The following SECISBP2L variants were observed in gnomAD, a reference collection of about 807,000 sequenced individuals.
SECISBP2L encodes the protein SECIS binding protein 2 like, also known as selenocysteine insertion sequence-binding protein 2-like.
In SECISBP2L, 43 loss-of-function variants were observed where a neutral mutation model predicts 114.7. That is an observed-to-expected ratio of 0.38 (90% confidence interval 0.29 to 0.48). SECISBP2L has a LOEUF of 0.48. Among genes scored for constraint, SECISBP2L ranks in the 20% least tolerant of loss-of-function variants. The pLI is 0.98. For synonymous variants in SECISBP2L, 451 were observed against 439.7 expected (o/e 1.03, Z -0.32); for missense variants, 1,136 against 1,301.1 (o/e 0.87, Z 1.95).
intron 16 of SECISBP2L, 93 bp from the exon 17 acceptor site, chr15:48,996,679 G>A (rs1902099035): frequency 9.3e-7 from 1 of 1,075,520 alleles, no homozygotes; most frequent in East Asian, 2.5e-5. Flanking sequence ...TTGTTTCAGG[G>A]TCAGACACTT....
At chr15:49,046,116 G>C (rs891330656) in intron 1 of SECISBP2L, among the ~76,000 whole-genome samples, 160 bp downstream of exon 1, 2 of 152,230 alleles carry the variant, frequency 1.3e-5, no homozygotes, top group African/African-American at 4.8e-5. Flanking sequence ...GCAGCAGCTG[G>C]AACAATGAAG....
chr15:49,016,866 C>T lies in SECISBP2L; in HGVS notation c.1401G>A (p.Met467Ile), dbSNP rs1355907923. ...TATGTACCTGTAATTTTTTTTGCTC[C>T]ATACTTATTTCTGAATACTCTTGAG... is the stretch of plus-strand genomic sequence containing the variant. Reference protein sequence around the residue: ...ATAQEYSEISMEQKKLQEALS... With the variant: ...ATAQEYSEISIEQKKLQEALS... The change falls in exon 10 of 18, where the codon ATG becomes ATA. Residue 467 changes from methionine to isoleucine, a missense_variant. Around this residue, in one of 2 missense-constraint regions of SECISBP2L, gnomAD observed 684 missense variants for 848.7 expected, o/e 0.81. Transcript: ENST00000559471. 9 of 1,605,108 alleles carry T rather than the reference C, an allele frequency of 5.6e-6. No homozygotes were observed. In the Admixed American group the frequency reaches 6.9e-5, roughly 12 times the overall value.
chr15:49,009,502 A>G, intron 13 of SECISBP2L, 124 bp from the exon 14 acceptor site: 1 of 868,658 alleles, frequency 1.2e-6, no homozygotes, highest in Non-Finnish European at 1.8e-6. Flanking sequence ...TCCAGAAGCT[A>G]ATAAGGTGGG....
intron 11 of SECISBP2L, among the ~76,000 whole-genome samples, chr15:49,013,636 C>G (rs1408656529): frequency 6.6e-6 from 1 of 152,320 alleles, no homozygotes; most frequent in African/African-American, 2.4e-5. Flanking sequence ...TCAGTTTCCA[C>G]TGGCTTCTTC....
At chr15:49,012,169 C>T (rs921871226) in intron 12 of SECISBP2L, among the ~76,000 whole-genome samples, 3 of 152,016 alleles carry the variant, frequency 2.0e-5, no homozygotes, top group African/African-American at 7.2e-5. Flanking sequence ...GTTTGGAACC[C>T]AGGTCATACA....
At position 49,011,715 on chromosome 15, in the gene SECISBP2L, A is replaced by AGGG; in HGVS notation, c.1864+13_1864+15dup. ...AGACCATTCCATGAGAAGAGGAGAA[A>AGGG]GGGGGAGCTCCTTACCTTCCTGGGA... On this transcript the variant is annotated intron_variant, in intron 13 of 17. Coordinates refer to ENST00000559471, the MANE Select transcript of SECISBP2L (RefSeq NM_001193489.2). The AGGG allele has an allele frequency of 6.2e-7, 1 of 1,613,380 alleles. No individual in the cohort carries two copies. Among genetic ancestry groups the AGGG allele is most frequent in the Non-Finnish European group, 8.5e-7 (1 of 1,179,604 alleles).
At chr15:49,017,666 G>C (rs1371493786) in intron 8 of SECISBP2L, 38 bp from the exon 9 acceptor site, 1 of 1,434,846 alleles carries the variant, frequency 7.0e-7, no homozygotes, top group Admixed American at 1.9e-5. Context: ...AGAGTTCAAG[G>C]CAAACTCCTA....
At chr15:49,009,110 G>C in intron 14 of SECISBP2L, 106 bp downstream of exon 14, 1 of 1,210,446 alleles carries the variant, frequency 8.3e-7, no homozygotes, top group Non-Finnish European at 1.2e-6. Context: ...AAAGATCTCT[G>C]GTCTTTTGTC....
chr15:49,026,511 G>A (rs750097576), intron 7 of SECISBP2L, among the ~76,000 whole-genome samples: 12 of 151,940 alleles, frequency 7.9e-5, no homozygotes, highest in Middle Eastern at 3.2e-3. Context: ...ATCATGTGTC[G>A]ACTAGAAAGA....
At chr15:49,019,351 T>G in intron 8 of SECISBP2L, 67 bp downstream of exon 8, 2 of 1,238,268 alleles carry the variant, frequency 1.6e-6, no homozygotes. Context: ...GTTCACAATG[T>G]AACAAATTAA....
Position 49,046,434 on chromosome 15 carries a change from C to G in SECISBP2L, c.-135G>C, listed in dbSNP as rs779181187. The stretch of plus-strand genomic sequence containing the variant: ...TATCTGGCTGGCCGCGACACCGATT[C>G]GGCTACGCCACTGGCCGAGGAGGCG... On this transcript the variant is annotated 5_prime_UTR_variant, in exon 1 of 18. Transcript: ENST00000559471. 1.4e-4 allele frequency: 134 copies of G among 982,622 alleles called. No individual in the cohort carries two copies. Among genetic ancestry groups the G allele is most frequent in the Non-Finnish European group, 1.8e-4 (129 of 714,884 alleles). 60.9% of individuals were successfully genotyped at this position (982,622 alleles called of 1,614,324 possible).
Position 49,009,497 on chromosome 15 carries a change from A to T in SECISBP2L, c.1865-119T>A, listed in dbSNP as rs1471600527. The T allele has an allele frequency of 3.9e-5, 37 of 949,344 alleles. No homozygotes were observed. The East Asian group carries it at 9.3e-4, about 24-fold the overall frequency. The allele number at this position is 949,344 out of a possible 1,614,324, so 58.8% of individuals were successfully genotyped here. A position where few individuals can be genotyped will look rare whatever the true frequency, so the allele number is the denominator to read the frequency against. The stretch of plus-strand genomic sequence containing the variant: ...TTTGGGTCATTTCCAAATTTTCCAG[A>T]AGCTAATAAGGTGGGCATTTTTCAT... On this transcript the variant is annotated intron_variant, in intron 13 of 17. Coordinates refer to ENST00000559471, the MANE Select transcript of SECISBP2L (RefSeq NM_001193489.2).
At chr15:49,028,263 T>G in intron 5 of SECISBP2L, 95 bp from the exon 6 acceptor site, 1 of 1,097,250 alleles carries the variant, frequency 9.1e-7, no homozygotes, top group Non-Finnish European at 1.3e-6. Context: ...GTGTGAAGCA[T>G]GCATATCACA....
intron 4 of SECISBP2L, among the ~76,000 whole-genome samples, chr15:49,030,605 T>C (rs548196654): frequency 5.7e-4 from 87 of 152,350 alleles, no homozygotes; most frequent in African/African-American, 2.0e-3. Context: ...TCACTAACTT[T>C]TAATAAATAG....
intron 1 of SECISBP2L, among the ~76,000 whole-genome samples, chr15:49,039,119 T>C (rs1903069192): frequency 6.6e-6 from 1 of 152,224 alleles, no homozygotes; most frequent in South Asian, 2.1e-4. Flanking sequence ...TGTCCAGCAG[T>C]ATTAATTCAG....
intron 13 of SECISBP2L, among the ~76,000 whole-genome samples, chr15:49,011,038 T>C (rs996971125): frequency 2.0e-5 from 3 of 152,100 alleles, no homozygotes; most frequent in Admixed American, 6.5e-5. Flanking sequence ...AACAAACATG[T>C]CCCCAGTGAA....
intron 8 of SECISBP2L, among the ~76,000 whole-genome samples, chr15:49,018,810 C>T (rs1054203755): frequency 6.6e-6 from 1 of 152,160 alleles, no homozygotes; most frequent in African/African-American, 2.4e-5. Context: ...TCTAACCACA[C>T]TCAACTAAGT....
Position 49,012,751 on chromosome 15 carries a change from G to C in SECISBP2L, c.1628C>G (p.Pro543Arg). 6.2e-7 allele frequency: 1 copy of C among 1,613,870 alleles called. No homozygotes were observed. ...CACAGAATTAAAGGATGTCAAACAGGGCTGACTTTTGGTTAAAGGTTTTCT... is the reference window on the plus strand; with the variant it reads ...CACAGAATTAAAGGATGTCAAACAGCGCTGACTTTTGGTTAAAGGTTTTCT... ...TNRKPLTKSQ[P>R]CLTSFNSVDI... The change falls in exon 12 of 18, where the codon CCC (proline) becomes CGC (arginine). Residue 543 changes from proline to arginine, a missense_variant. Around this residue, in one of 2 missense-constraint regions of SECISBP2L, gnomAD observed 684 missense variants for 848.7 expected, o/e 0.81. Coordinates refer to ENST00000559471, the MANE Select transcript of SECISBP2L (RefSeq NM_001193489.2).
intron 7 of SECISBP2L, among the ~76,000 whole-genome samples, chr15:49,022,015 C>G (rs1397249154): frequency 6.6e-6 from 1 of 152,068 alleles, no homozygotes; most frequent in Non-Finnish European, 1.5e-5. Flanking sequence ...AGTTTTCATA[C>G]CCCATTTACA....
Sources: allele counts gnomAD v4.1 joint callset (sites outside exome capture counted in the v4.1 genomes callset), GRCh38; gene constraint gnomAD v4.1.1; regional missense constraint gnomAD v4.1.1; transcripts MANE v1.5; gene names NCBI Gene and HGNC (gene_info 2026-07-23, HGNC 2026-07-21).